Variants in ADCY3 observed in about 807,000 individuals in gnomAD.
ADCY3 encodes the protein adenylate cyclase 3, also known as adenylate cyclase type 3.
A neutral mutation model predicts 119.4 loss-of-function variants in ADCY3; 70 were observed. The observed-to-expected ratio is 0.59, with a 90% CI of 0.48 to 0.72. The LOEUF (loss-of-function observed/expected upper bound fraction) is 0.72, where lower values mean the gene tolerates loss of function less well. Ranked by LOEUF, ADCY3 falls within the 30% of genes least tolerant of loss-of-function variation. The pLI is 0.00. For synonymous variants in ADCY3, 672 were observed against 621.4 expected (o/e 1.08, Z -1.21); for missense variants, 1,238 against 1,541.6 (o/e 0.80, Z 3.30).
At chr2:24,843,740 G>T (rs1671329382) in intron 3 of ADCY3, among the ~76,000 whole-genome samples, 1 of 152,124 alleles carries the variant, frequency 6.6e-6, no homozygotes, top group Non-Finnish European at 1.5e-5. Context: ...TGGGGCCTCT[G>T]TGCGGGCACC....
rs1246718820 is a variant in ADCY3, at chr2:24,898,846, T to C, written c.675+19467A>G. ...GCTCAGCAGTGGGAGGTCTGCAGCCTGGGGATAGCTCCAGTTCACACTGGA... is the reference window on the plus strand; with the variant it reads ...GCTCAGCAGTGGGAGGTCTGCAGCCCGGGGATAGCTCCAGTTCACACTGGA... On this transcript the variant is annotated intron_variant, in intron 2 of 21. Transcript: ENST00000679454. This position sits in a 1 kb window ranked among gnomAD's most constrained non-coding sequence, Gnocchi z 4.3. Among the ~76,000 whole-genome samples, 3 of 152,286 alleles carry C rather than the reference T, an allele frequency of 2.0e-5. No homozygotes were observed. Among genetic ancestry groups the C allele is most frequent in the African/African-American group, 7.2e-5 (3 of 41,550 alleles).
chr2:24,895,918 C>T (rs1678215838), intron 2 of ADCY3, among the ~76,000 whole-genome samples: 1 of 152,168 alleles, frequency 6.6e-6, no homozygotes, highest in African/African-American at 2.4e-5. Flanking sequence ...TTCTTCTGCA[C>T]TGTCTAATCT....
chr2:24,903,497 C>T (rs1204337939), intron 2 of ADCY3, among the ~76,000 whole-genome samples: 1 of 152,176 alleles, frequency 6.6e-6, no homozygotes, highest in Non-Finnish European at 1.5e-5. Flanking sequence ...GCCTTCTTCA[C>T]CCTCTGTTCC....
chr2:24,841,514 G>A lies in ADCY3; in HGVS notation c.1068+42C>T. On this transcript the variant is annotated intron_variant, in intron 5 of 21. Coordinates refer to ENST00000679454, the MANE Select transcript of ADCY3 (RefSeq NM_004036.5). This position sits in a 1 kb window ranked among gnomAD's most constrained non-coding sequence, Gnocchi z 5.8. ...GATGGGGGCCAGGCAGAGGCCATGAGGGCAGGCCCCGCTGGAGAGCCAGGC... is the reference window on the plus strand; with the variant it reads ...GATGGGGGCCAGGCAGAGGCCATGAAGGCAGGCCCCGCTGGAGAGCCAGGC... 3 of 1,599,508 alleles carry A rather than the reference G, an allele frequency of 1.9e-6. No homozygotes were observed. The highest frequency in any genetic ancestry group is 2.6e-6 in the Non-Finnish European group (3 of 1,171,488).
chr2:24,874,300 C>T (rs185437569), intron 2 of ADCY3, among the ~76,000 whole-genome samples: 19 of 152,326 alleles, frequency 1.2e-4, no homozygotes, highest in Middle Eastern at 3.4e-3. Context: ...CTTGTAATGA[C>T]CTGTTGACCT....
chr2:24,880,775 G>T (rs548432200), intron 2 of ADCY3, among the ~76,000 whole-genome samples: 1 of 152,270 alleles, frequency 6.6e-6, no homozygotes, highest in African/African-American at 2.4e-5. Context: ...CAGCACTTTG[G>T]GAGGCCAAGG....
At position 24,898,867 on chromosome 2, in the gene ADCY3, C is replaced by T. The variant is rs571614704; in HGVS notation, c.675+19446G>A. 5.9e-5 allele frequency among the ~76,000 whole-genome samples: 9 copies of T among 152,274 alleles called. No individual in the cohort carries two copies. In the South Asian group the frequency reaches 1.9e-3, roughly 32 times the overall value. On this transcript the variant is annotated intron_variant, in intron 2 of 21. Transcript: ENST00000679454. The surrounding 1 kb of genome is among the most constrained non-coding windows in gnomAD (Gnocchi z 4.3). Reference sequence around the variant, plus strand: ...AGCCTGGGGATAGCTCCAGTTCACACTGGAAACCCTTTCACCGCCAGAGAA... The same window carrying T: ...AGCCTGGGGATAGCTCCAGTTCACATTGGAAACCCTTTCACCGCCAGAGAA...
Position 24,834,429 on chromosome 2 carries a change from CG to C in ADCY3, c.1967+55del. On this transcript the variant is annotated intron_variant, in intron 11 of 21. Coordinates refer to ENST00000679454, the MANE Select transcript of ADCY3 (RefSeq NM_004036.5). The surrounding 1 kb of genome is among the most constrained non-coding windows in gnomAD (Gnocchi z 4.2). ...CGCTGAGACACCTGCCCCCGCCCCC[CG>C]CCCGGCACCACCGCAGCCGAGGAAA... 8 of 1,262,350 alleles carry C rather than the reference CG, an allele frequency of 6.3e-6. No homozygotes were observed. The highest frequency in any genetic ancestry group is 2.6e-5 in the South Asian group (2 of 76,376). 78.2% of individuals were successfully genotyped at this position (1,262,350 alleles called of 1,614,324 possible). A position where few individuals can be genotyped will look rare whatever the true frequency, so the allele number is the denominator to read the frequency against.
chr2:24,872,544 G>A lies in ADCY3; in HGVS notation c.825+26C>T, dbSNP rs778065858. Reference sequence around the variant, plus strand: ...CCACAGTCCCTGAGCCCAAGCTCCAGGCCCGAGGCCTCCCGAGAGCCTCAC... The same window carrying A: ...CCACAGTCCCTGAGCCCAAGCTCCAAGCCCGAGGCCTCCCGAGAGCCTCAC... On this transcript the variant is annotated intron_variant, in intron 3 of 21. Transcript: ENST00000679454. The surrounding 1 kb of genome is among the most constrained non-coding windows in gnomAD (Gnocchi z 4.4). 1 of 1,610,682 alleles carries A rather than the reference G, an allele frequency of 6.2e-7. No homozygotes were observed. Among genetic ancestry groups the A allele is most frequent in the Non-Finnish European group, 8.5e-7 (1 of 1,178,010 alleles).
At chr2:24,887,814 T>G (rs975553580) in intron 2 of ADCY3, among the ~76,000 whole-genome samples, 1 of 152,150 alleles carries the variant, frequency 6.6e-6, no homozygotes, top group Non-Finnish European at 1.5e-5. Flanking sequence ...CACAGGCCCA[T>G]CTCAGGGTGG....
Position 24,883,273 on chromosome 2 carries a change from G to A in ADCY3, c.676-10554C>T, listed in dbSNP as rs1277092595. On this transcript the variant is annotated intron_variant, in intron 2 of 21. Transcript: ENST00000679454. ...TGAGGCAGAAGAATCGCTTGAACCC[G>A]GGAGTCGGAGGTTGCAGTGAGCTGA... Among the ~76,000 whole-genome samples the A allele has an allele frequency of 9.2e-5, 14 of 152,126 alleles. No homozygotes were observed. The East Asian group carries it at 2.1e-3, about 23-fold the overall frequency.
rs574312894 is a variant in ADCY3, at chr2:24,874,588, G to A, written c.676-1869C>T. Among the ~76,000 whole-genome samples, 312 of 152,298 alleles carry A rather than the reference G, an allele frequency of 2.0e-3. 1 individual carries two copies. Among genetic ancestry groups the A allele is most frequent in the Middle Eastern group, 0.01 (3 of 294 alleles). On this transcript the variant is annotated intron_variant, in intron 2 of 21. Coordinates refer to ENST00000679454, the MANE Select transcript of ADCY3 (RefSeq NM_004036.5). ...TCTCCTTCCCTCCAGCCTCCTTCCC[G>A]GCTGGGCTTCTGTGGGCCAGGTCTT...
Position 24,841,678 on chromosome 2 carries a change from A to G in ADCY3, c.957-11T>C. On this transcript the variant is annotated splice_polypyrimidine_tract_variant and intron_variant, in intron 4 of 21. Transcript: ENST00000679454. This position sits in a 1 kb window ranked among gnomAD's most constrained non-coding sequence, Gnocchi z 5.8. ...TCGGCAAAGAGGATGCTGCATGAGG[A>G]AGGAACCGTGGGGGTGACGCTCCAG... 3.1e-6 allele frequency: 5 copies of G among 1,609,650 alleles called. No individual in the cohort carries two copies. The highest frequency in any genetic ancestry group is 4.2e-6 in the Non-Finnish European group (5 of 1,176,918).
chr2:24,831,545 A>G (rs1373171963), intron 12 of ADCY3, 117 bp downstream of exon 12: 33 of 818,642 alleles, frequency 4.0e-5, no homozygotes, highest in Non-Finnish European at 6.0e-5. Context: ...CCGTCCTAAC[A>G]GAGGAGTGTC....
chr2:24,841,214 G>A lies in ADCY3; in HGVS notation c.1196+45C>T. 1 of 1,526,492 alleles carries A rather than the reference G, an allele frequency of 6.6e-7. No individual in the cohort carries two copies. Among genetic ancestry groups the A allele is most frequent in the Non-Finnish European group, 8.8e-7 (1 of 1,135,454 alleles). The allele number at this position is 1,526,492 out of a possible 1,614,324, so 94.6% of individuals were successfully genotyped here. ...CTGCTTCTCCCTGGGTCCAGGGCCG[G>A]GGCCCTTGCTCTGGGAGCCTCCCTC... is the stretch of plus-strand genomic sequence containing the variant. On this transcript the variant is annotated intron_variant, in intron 6 of 21. Transcript: ENST00000679454. This position sits in a 1 kb window ranked among gnomAD's most constrained non-coding sequence, Gnocchi z 5.8.
chr2:24,839,914 A>C lies in ADCY3; in HGVS notation c.1314T>G (p.Asp438Glu). 6.2e-7 allele frequency: 1 copy of C among 1,613,852 alleles called. No individual in the cohort carries two copies. The highest frequency in any genetic ancestry group is 1.3e-5 in the African/African-American group (1 of 75,056). ...KRWQYDVWSTDVTVANKMEAG... is the reference protein window; with the variant it reads ...KRWQYDVWSTEVTVANKMEAG... The stretch of plus-strand genomic sequence containing the variant: ...CCTCCATCTTGTTGGCTACAGTGAC[A>C]TCAGTCGACCACACGTCGTACTGCC... Residue 438 changes from aspartate (D) to glutamate (E), a missense_variant, in exon 7 of 22, where the codon GAT becomes GAG. Coordinates refer to ENST00000679454, the MANE Select transcript of ADCY3 (RefSeq NM_004036.5).
chr2:24,822,222 T>C (rs778868363), intron 19 of ADCY3: 1 of 270,904 alleles, frequency 3.7e-6, no homozygotes, highest in Non-Finnish European at 7.0e-6. Flanking sequence ...TTGTTGACAA[T>C]TGCTCTCCAG....
At chr2:24,897,379 T>C (rs1459890241) in intron 2 of ADCY3, among the ~76,000 whole-genome samples, 1 of 152,034 alleles carries the variant, frequency 6.6e-6, no homozygotes, top group Non-Finnish European at 1.5e-5. Flanking sequence ...CAAGGCCTGG[T>C]TCAAAGCCCC....
intron 2 of ADCY3, among the ~76,000 whole-genome samples, chr2:24,906,491 G>A (rs767502227): frequency 6.6e-6 from 1 of 152,204 alleles, no homozygotes; most frequent in African/African-American, 2.4e-5. Flanking sequence ...ATGGGCAGGA[G>A]TAGAGCAAAA....
Sources: gnomAD v4.1 joint callset for allele counts (sites outside exome capture counted in the v4.1 genomes callset) on GRCh38, gnomAD v4.1.1 for gene constraint, Gnocchi (gnomAD v3.1) non-coding constraint, MANE v1.5 for transcripts, NCBI Gene and HGNC (gene_info 2026-07-23, HGNC 2026-07-21) for gene names.